Variants in ADK observed in about 807,000 individuals in gnomAD.
ADK encodes the protein N6,N6-dimethyladenosine kinase.
A neutral mutation model predicts 44.7 loss-of-function variants in ADK; 24 were observed. The ratio of observed to expected loss-of-function variants is 0.54; its 90% CI spans 0.39 to 0.76. ADK has a LOEUF of 0.76. Ranked by LOEUF, ADK falls within the 30% of genes least tolerant of loss-of-function variation. The pLI is 0.00. For synonymous variants in ADK, 128 were observed against 142.6 expected (o/e 0.90, Z 0.73); for missense variants, 321 against 425.1 (o/e 0.76, Z 2.15).
intron 3 of ADK, among the ~76,000 whole-genome samples, chr10:74,308,526 C>A (rs1336386594): frequency 6.6e-6 from 1 of 151,934 alleles, no homozygotes; most frequent in Non-Finnish European, 1.5e-5. Flanking sequence ...CTGTCGATTC[C>A]CCCCCTGTGT....
intron 9 of ADK, among the ~76,000 whole-genome samples, chr10:74,619,178 G>A (rs1852887793): frequency 6.6e-6 from 1 of 152,030 alleles, no homozygotes; most frequent in Non-Finnish European, 1.5e-5. Context: ...AGTGAGGCTG[G>A]GTCCAGTGGC....
intron 4 of ADK, among the ~76,000 whole-genome samples, chr10:74,393,462 A>C (rs1412360660): frequency 6.6e-6 from 1 of 152,132 alleles, no homozygotes; most frequent in African/African-American, 2.4e-5. Flanking sequence ...CTGTAACACT[A>C]TTTCTGAATT....
In ADK at chr10:74,412,273, C is replaced by A. The variant is rs188732801; in HGVS notation, c.555+13694C>A. ...TCACTGCACATTGCAGTCTCAATCT[C>A]CCAGGCAAGCTCAAGCAATCCTCCC... is the stretch of plus-strand genomic sequence containing the variant. On this transcript the variant is annotated intron_variant, in intron 6 of 10. Transcript: ENST00000539909. Among the ~76,000 whole-genome samples the A allele has an allele frequency of 2.4e-3, 366 of 152,174 alleles. 2 individuals carry two copies. The highest frequency in any genetic ancestry group is 8.4e-3 in the African/African-American group (348 of 41,526).
At chr10:74,365,666 T>A (rs1009922668) in intron 4 of ADK, among the ~76,000 whole-genome samples, 14 of 152,194 alleles carry the variant, frequency 9.2e-5, no homozygotes, top group African/African-American at 3.4e-4. Context: ...GGATGCCCTT[T>A]ATTTCTTTGT....
chr10:74,223,904 C>T (rs989828191), intron 2 of ADK, among the ~76,000 whole-genome samples: 1 of 152,216 alleles, frequency 6.6e-6, no homozygotes, highest in South Asian at 2.1e-4. Context: ...GCCTGGCCAA[C>T]ATGTTAAAAC....
intron 9 of ADK, among the ~76,000 whole-genome samples, chr10:74,614,642 G>A (rs949633896): frequency 6.6e-6 from 1 of 152,092 alleles, no homozygotes; most frequent in Non-Finnish European, 1.5e-5. Flanking sequence ...CACTCAGTAT[G>A]TAGACTTTTG....
chr10:74,462,273 A>T (rs1846197020), intron 6 of ADK, among the ~76,000 whole-genome samples: 1 of 152,048 alleles, frequency 6.6e-6, no homozygotes, highest in Non-Finnish European at 1.5e-5. Flanking sequence ...AACATGGAAA[A>T]ATTTAGAAAA....
At chr10:74,651,341 T>C (rs1367288111) in intron 9 of ADK, among the ~76,000 whole-genome samples, 1 of 152,198 alleles carries the variant, frequency 6.6e-6, no homozygotes, top group African/African-American at 2.4e-5. Flanking sequence ...TTTAAAATTT[T>C]TTGATAGACA....
At chr10:74,673,916 C>T (rs2134208367) in intron 10 of ADK, among the ~76,000 whole-genome samples, 1 of 152,282 alleles carries the variant, frequency 6.6e-6, no homozygotes, top group African/African-American at 2.4e-5. Context: ...ATCAAGCTGT[C>T]CCTCTGAAGT....
At chr10:74,496,867 ACC>A (rs1166839871) in intron 6 of ADK, among the ~76,000 whole-genome samples, 42 of 152,264 alleles carry the variant, frequency 2.8e-4, no homozygotes, top group African/African-American at 1.0e-3. Context: ...ATTTTATTTA[ACC>A]TTTTACTGTG....
At chr10:74,483,854 C>A (rs187465609) in intron 6 of ADK, among the ~76,000 whole-genome samples, 2 of 152,346 alleles carry the variant, frequency 1.3e-5, no homozygotes, top group African/African-American at 4.8e-5. Context: ...CCATCTGAGA[C>A]CTCCTCAGTC....
At chr10:74,675,445 G>A (rs1459087520) in intron 10 of ADK, among the ~76,000 whole-genome samples, 1 of 152,160 alleles carries the variant, frequency 6.6e-6, no homozygotes, top group African/African-American at 2.4e-5. Flanking sequence ...CTATTTGGAG[G>A]TCTTAAGCAC....
chr10:74,216,500 G>A (rs1336341865), intron 2 of ADK, among the ~76,000 whole-genome samples: 17 of 151,940 alleles, frequency 1.1e-4, no homozygotes, highest in South Asian at 2.1e-4. Flanking sequence ...CAAGGTGGGC[G>A]GATCACTTGA....
At chr10:74,633,969 C>A (rs1853529611) in intron 9 of ADK, among the ~76,000 whole-genome samples, 1 of 152,178 alleles carries the variant, frequency 6.6e-6, no homozygotes, top group African/African-American at 2.4e-5. Flanking sequence ...GCCCTAAATT[C>A]TACATACAGA....
intron 4 of ADK, among the ~76,000 whole-genome samples, chr10:74,389,904 A>G (rs1843278242): frequency 6.6e-6 from 1 of 152,128 alleles, no homozygotes; most frequent in South Asian, 2.1e-4. Context: ...GAGTTGATAT[A>G]GCTCTTATTT....
intron 4 of ADK, chr10:74,372,075 G>A: frequency 1.3e-6 from 1 of 756,722 alleles, no homozygotes; most frequent in South Asian, 1.4e-5. Flanking sequence ...GCCAGCCCGG[G>A]AAGGTTTGCG....
intron 4 of ADK, among the ~76,000 whole-genome samples, chr10:74,340,190 G>A (rs972018838): frequency 2.6e-5 from 4 of 152,016 alleles, no homozygotes; most frequent in African/African-American, 9.7e-5. Flanking sequence ...TTTAATTTTA[G>A]TATTCAACTC....
chr10:74,362,995 A>G lies in ADK; in HGVS notation c.274-31146A>G, dbSNP rs544623386. ...ATGGGATAGGTCCCTGACTACAAAG[A>G]GAGTGGCTGGAGTTGAGACTGTGCG... On this transcript the variant is annotated intron_variant, in intron 4 of 10. Transcript: ENST00000539909. Among the ~76,000 whole-genome samples the G allele has an allele frequency of 2.0e-5, 3 of 152,312 alleles. No individual in the cohort carries two copies. In the South Asian group the frequency reaches 6.2e-4, roughly 32 times the overall value.
In ADK at chr10:74,218,212, C is replaced by T. The variant is rs528746811; in HGVS notation, c.141-6326C>T. ...GCTGAAAGCCAAGGCCCGAGAACTA[C>T]GTGAAGAATGCAGAAGCCTCAGGAG... On this transcript the variant is annotated intron_variant, in intron 2 of 10. Transcript: ENST00000539909. Among the ~76,000 whole-genome samples, 409 of 152,000 alleles carry T rather than the reference C, an allele frequency of 2.7e-3. 1 individual carries two copies. Among genetic ancestry groups the T allele is most frequent in the South Asian group, 0.015 (73 of 4,802 alleles).
Sources: allele counts gnomAD v4.1 joint callset (sites outside exome capture counted in the v4.1 genomes callset), GRCh38; gene constraint gnomAD v4.1.1; transcripts MANE v1.5; gene names NCBI Gene and HGNC (gene_info 2026-07-23, HGNC 2026-07-21).